Variants in ELOVL5 observed in about 807,000 individuals in gnomAD.
ELOVL5 encodes the protein ELOVL fatty acid elongase 5, also known as very long chain fatty acid elongase 5.
In ELOVL5, 8 loss-of-function variants were observed where a neutral mutation model predicts 38.6. The observed-to-expected ratio is 0.21, with a 90% CI of 0.12 to 0.37. ELOVL5 has a LOEUF of 0.37. Ranked by LOEUF, ELOVL5 falls within the 10% of genes least tolerant of loss-of-function variation. ELOVL5 has a pLI of 1.00. For synonymous variants in ELOVL5, 127 were observed against 133.7 expected, an observed-to-expected ratio of 0.95 and a Z score of 0.34; for missense variants, 280 against 367.8, an observed-to-expected ratio of 0.76 and a Z score of 1.95.
At chr6:53,348,712 G>A in intron 1 of ELOVL5, 105 bp downstream of exon 1, 1 of 416,318 alleles carries the variant, frequency 2.4e-6, no homozygotes, top group South Asian at 1.7e-5. Flanking sequence ...CCAGGTCCGA[G>A]ACCTAACGGC....
chr6:53,281,434 G>C (rs1206508504), intron 3 of ELOVL5, among the ~76,000 whole-genome samples: 3 of 152,170 alleles, frequency 2.0e-5, no homozygotes, highest in East Asian at 1.9e-4. Flanking sequence ...GGATGGCCCA[G>C]GTCTTGGTAC....
chr6:53,277,138 T>C (rs374404526), intron 3 of ELOVL5: 46 of 153,308 alleles, frequency 3.0e-4, no homozygotes, highest in Middle Eastern at 1.6e-3. Flanking sequence ...GCAACACAGA[T>C]TCCCCCCCAG....
Position 53,268,993 on chromosome 6 carries a change from A to T in ELOVL5, c.*134T>A. The T allele has an allele frequency of 9.8e-7, 1 of 1,019,744 alleles. No homozygotes were observed. The highest frequency in any genetic ancestry group is 1.4e-6 in the Non-Finnish European group (1 of 694,034). 63.2% of individuals were successfully genotyped at this position (1,019,744 alleles called of 1,614,324 possible). A position where few individuals can be genotyped will look rare whatever the true frequency, so the allele number is the denominator to read the frequency against. On this transcript the variant is annotated 3_prime_UTR_variant, in exon 8 of 8. Transcript: ENST00000304434. ...TACGTTTTCTAGGGGTTTTGAATTGATGAAAGAAGTCCTACATGAATCACA... is the reference window on the plus strand; with the variant it reads ...TACGTTTTCTAGGGGTTTTGAATTGTTGAAAGAAGTCCTACATGAATCACA...
chr6:53,322,093 T>C (rs1358951184), intron 1 of ELOVL5, among the ~76,000 whole-genome samples: 1 of 152,194 alleles, frequency 6.6e-6, no homozygotes, highest in African/African-American at 2.4e-5. Flanking sequence ...TGAGAACAAG[T>C]ATGGATTTTA....
intron 1 of ELOVL5, among the ~76,000 whole-genome samples, chr6:53,296,407 A>C (rs1013656688): frequency 6.6e-6 from 1 of 152,182 alleles, no homozygotes; most frequent in Non-Finnish European, 1.5e-5. Flanking sequence ...GATCATGTCA[A>C]CTTAGCATTA....
At chr6:53,308,398 C>G (rs548924616) in intron 1 of ELOVL5, among the ~76,000 whole-genome samples, 1 of 152,292 alleles carries the variant, frequency 6.6e-6, no homozygotes, top group African/African-American at 2.4e-5. Context: ...CATTTTATCG[C>G]TAGAGTGTCT....
At chr6:53,275,381 C>T in intron 4 of ELOVL5, 120 bp from the exon 5 acceptor site, 1 of 968,516 alleles carries the variant, frequency 1.0e-6, no homozygotes, top group Non-Finnish European at 1.6e-6. Context: ...CCGAGTGCCC[C>T]AAGAGCTCTT....
intron 3 of ELOVL5, among the ~76,000 whole-genome samples, chr6:53,281,273 C>T (rs1422952719): frequency 6.6e-6 from 1 of 152,192 alleles, no homozygotes; most frequent in African/African-American, 2.4e-5. Context: ...CATCACAGGA[C>T]CTAAGGTGCT....
chr6:53,312,080 TCTAGAAGTAA>T (rs1767861449), intron 1 of ELOVL5, among the ~76,000 whole-genome samples: 2 of 152,312 alleles, frequency 1.3e-5, no homozygotes, highest in South Asian at 4.1e-4. Flanking sequence ...CAAGTATCCA[TCTAGAAGTAA>T]CCTTCTAGAT....
intron 1 of ELOVL5, among the ~76,000 whole-genome samples, chr6:53,319,311 A>AAAAAAAAAAAAAAAAAAAAC (rs1768200840): frequency 7.3e-6 from 1 of 137,302 alleles, no homozygotes; most frequent in Admixed American, 9.4e-5. Flanking sequence ...AAAAAAAAAA[A>AAAAAAAAAAAAAAAAAAAAC]AAAAAGAAAG....
At chr6:53,272,829 T>C (rs1441814828) in intron 6 of ELOVL5, among the ~76,000 whole-genome samples, 1 of 152,184 alleles carries the variant, frequency 6.6e-6, no homozygotes. Flanking sequence ...TACCCTGGAC[T>C]CCATACTACT....
chr6:53,302,835 T>C (rs1767314751), intron 1 of ELOVL5, among the ~76,000 whole-genome samples: 1 of 152,118 alleles, frequency 6.6e-6, no homozygotes, highest in African/African-American at 2.4e-5. Context: ...CAAGTCACAT[T>C]CCTTTTGATT....
intron 3 of ELOVL5, among the ~76,000 whole-genome samples, chr6:53,280,977 T>C (rs1766329335): frequency 6.6e-6 from 1 of 152,180 alleles, no homozygotes; most frequent in Admixed American, 6.5e-5. Flanking sequence ...ACCTTTAGCA[T>C]AATAACCATT....
intron 1 of ELOVL5, among the ~76,000 whole-genome samples, chr6:53,308,880 C>T (rs73742936): frequency 0.028 from 3,120 of 110,264 alleles, 113 homozygotes; most frequent in African/African-American, 0.11. Context: ...GGAGGGGATG[C>T]GCAGGTGGGG....
intron 3 of ELOVL5, among the ~76,000 whole-genome samples, chr6:53,282,914 T>G (rs912260337): frequency 6.6e-6 from 1 of 152,208 alleles, no homozygotes; most frequent in Admixed American, 6.5e-5. Context: ...CCAAAGCAAC[T>G]GCTCTGTGGT....
In ELOVL5 at chr6:53,270,793, A is replaced by AC. The variant is rs2127565290; in HGVS notation, c.622-67dup. 3 of 1,583,782 alleles carry AC rather than the reference A, an allele frequency of 1.9e-6. No individual in the cohort carries two copies. In the East Asian group the frequency reaches 6.7e-5, roughly 36 times the overall value. ...ATGGACGAGGCCCCACACCAGGCAG[A>AC]CTTTTTAACCAGCATCACCTAAATT... On this transcript the variant is annotated intron_variant, in intron 6 of 7. Coordinates refer to ENST00000304434, the MANE Select transcript of ELOVL5 (RefSeq NM_021814.5).
intron 3 of ELOVL5, among the ~76,000 whole-genome samples, chr6:53,283,855 G>A (rs910692663): frequency 6.6e-6 from 1 of 152,066 alleles, no homozygotes; most frequent in Admixed American, 6.5e-5. Context: ...CAAGTGTAAA[G>A]GCAAATAACA....
At chr6:53,305,355 G>A (rs1465690016) in intron 1 of ELOVL5, among the ~76,000 whole-genome samples, 31 of 121,832 alleles carry the variant, frequency 2.5e-4, no homozygotes, top group African/African-American at 1.1e-3. Flanking sequence ...CCTCCCGGAC[G>A]GGGCGGCTGG....
At chr6:53,341,255 C>T (rs1769312727) in intron 1 of ELOVL5, among the ~76,000 whole-genome samples, 1 of 152,174 alleles carries the variant, frequency 6.6e-6, no homozygotes, top group Non-Finnish European at 1.5e-5. Context: ...TTTATCTAAA[C>T]CTTTATTTAG....
Sources: gnomAD v4.1 joint callset for allele counts (sites outside exome capture counted in the v4.1 genomes callset) on GRCh38, gnomAD v4.1.1 for gene constraint, MANE v1.5 for transcripts, NCBI Gene and HGNC (gene_info 2026-07-23, HGNC 2026-07-21) for gene names.